Variants in CTNND2 observed in about 807,000 individuals in gnomAD.
CTNND2 encodes the protein catenin delta 2, also known as catenin delta-2.
Under a neutral mutation model 144.4 loss-of-function variants are expected in CTNND2, and 22 were observed. The observed-to-expected ratio is 0.15, with a 90% CI of 0.11 to 0.22. CTNND2 has a LOEUF of 0.22. CTNND2 is among the 10% of genes least tolerant of loss of function. The pLI, the probability that CTNND2 is intolerant of heterozygous loss-of-function variation, is 1.00. For synonymous variants in CTNND2, 751 were observed against 695.6 expected (o/e 1.08, Z -1.25); for missense variants, 1,353 against 1,618.8 (o/e 0.84, Z 2.82).
chr5:11,611,075 G>A (rs11949813), intron 2 of CTNND2, among the ~76,000 whole-genome samples: 53,339 of 151,946 alleles, frequency 0.35, 10,593 homozygotes, highest in Middle Eastern at 0.61. Flanking sequence ...TTAATCATGC[G>A]GACAGTTACC....
At chr5:11,824,195 G>T (rs1255905675) in intron 1 of CTNND2, among the ~76,000 whole-genome samples, 1 of 151,640 alleles carries the variant, frequency 6.6e-6, no homozygotes, top group Non-Finnish European at 1.5e-5. Context: ...ATGTCCCTCA[G>T]TATCCATCCA....
chr5:11,800,485 A>T (rs1791618162), intron 1 of CTNND2, among the ~76,000 whole-genome samples: 1 of 152,214 alleles, frequency 6.6e-6, no homozygotes, highest in Non-Finnish European at 1.5e-5. Flanking sequence ...TAGCAGAATT[A>T]ATAAACAGAA....
chr5:11,321,735 T>C (rs1012214743), intron 9 of CTNND2, among the ~76,000 whole-genome samples: 4 of 151,992 alleles, frequency 2.6e-5, no homozygotes, highest in Non-Finnish European at 5.9e-5. Flanking sequence ...CACACATGCA[T>C]GCACACACAT....
chr5:11,828,936 G>A (rs1000170917), intron 1 of CTNND2, among the ~76,000 whole-genome samples: 2 of 152,146 alleles, frequency 1.3e-5, no homozygotes, highest in African/African-American at 4.8e-5. Context: ...TAAAGTCCAG[G>A]CAGAGGTGGT....
At chr5:11,105,305 G>A (rs552079629) in intron 14 of CTNND2, among the ~76,000 whole-genome samples, 31 of 152,294 alleles carry the variant, frequency 2.0e-4, no homozygotes, top group Non-Finnish European at 3.7e-4. Context: ...TATGTCCTTC[G>A]AAGGACAATC....
chr5:11,406,399 C>G (rs1761108923), intron 5 of CTNND2, among the ~76,000 whole-genome samples: 1 of 152,044 alleles, frequency 6.6e-6, no homozygotes, highest in Non-Finnish European at 1.5e-5. Flanking sequence ...CTGACCATGA[C>G]TTTTATTTTT....
intron 2 of CTNND2, among the ~76,000 whole-genome samples, chr5:11,606,870 C>T (rs994320510): frequency 2.6e-5 from 4 of 151,984 alleles, no homozygotes; most frequent in African/African-American, 9.7e-5. Context: ...AATTGTATTC[C>T]CTCCAGAACA....
At chr5:11,880,944 TACTACTACTACTACC>T (rs1266250414) in intron 1 of CTNND2, among the ~76,000 whole-genome samples, 8 of 144,428 alleles carry the variant, frequency 5.5e-5, no homozygotes, top group Admixed American at 2.7e-4. Context: ...CTGCTACTAA[TACTACTACTACTACC>T]ACTACTACTA....
intron 14 of CTNND2, among the ~76,000 whole-genome samples, chr5:11,104,753 GTTGATGGCTAA>G (rs1286711538): frequency 6.6e-6 from 1 of 152,204 alleles, no homozygotes; most frequent in Non-Finnish European, 1.5e-5. Flanking sequence ...AGGGGATAGA[GTTGATGGCTAA>G]TTAGCTGTAT....
At chr5:10,982,320 G>A (rs775145907) in intron 20 of CTNND2, among the ~76,000 whole-genome samples, 12 of 152,340 alleles carry the variant, frequency 7.9e-5, no homozygotes, top group Admixed American at 3.9e-4. Flanking sequence ...CCCAAAGGAC[G>A]GGCAGGGGGC....
At chr5:11,269,673 A>G (rs1207496729) in intron 9 of CTNND2, among the ~76,000 whole-genome samples, 1 of 152,194 alleles carries the variant, frequency 6.6e-6, no homozygotes, top group East Asian at 1.9e-4. Flanking sequence ...GGTTGGCATA[A>G]ATGTCAATAT....
chr5:11,903,875 T>A lies in CTNND2; in HGVS notation c.-22A>T, dbSNP rs1393788448. ...ACATGCACCCTCCGCCGGCGACAGCTCCTCAGTCCGGGAAGAGGCGTGCGC... is the reference window on the plus strand; with the variant it reads ...ACATGCACCCTCCGCCGGCGACAGCACCTCAGTCCGGGAAGAGGCGTGCGC... On this transcript the variant is annotated 5_prime_UTR_variant, in exon 1 of 22. Coordinates refer to ENST00000304623, the MANE Select transcript of CTNND2 (RefSeq NM_001332.4). This position sits in a 1 kb window ranked among gnomAD's most constrained non-coding sequence, Gnocchi z 5.4. The A allele has an allele frequency of 2.1e-6, 3 of 1,462,460 alleles. No homozygotes were observed. The Admixed American group carries it at 7.4e-5, about 36-fold the overall frequency. The allele number at this position is 1,462,460 out of a possible 1,614,324, so 90.6% of individuals were successfully genotyped here.
At chr5:11,819,611 T>C (rs1793204784) in intron 1 of CTNND2, among the ~76,000 whole-genome samples, 3 of 152,164 alleles carry the variant, frequency 2.0e-5, no homozygotes, top group Admixed American at 2.0e-4. Context: ...GTCACTATTT[T>C]CCTCTCCTTT....
intron 2 of CTNND2, among the ~76,000 whole-genome samples, chr5:11,595,897 C>T (rs954609770): frequency 4.6e-5 from 7 of 152,202 alleles, no homozygotes; most frequent in Non-Finnish European, 8.8e-5. Context: ...GGAATCAGCA[C>T]CACTGCCTCC....
intron 7 of CTNND2, among the ~76,000 whole-genome samples, chr5:11,374,323 G>C (rs1257087682): frequency 6.6e-6 from 1 of 152,170 alleles, no homozygotes; most frequent in Non-Finnish European, 1.5e-5. Context: ...TGTAACAAAA[G>C]TCTTTTGACA....
At chr5:11,476,278 AC>A (rs1159207701) in intron 3 of CTNND2, among the ~76,000 whole-genome samples, 7 of 152,098 alleles carry the variant, frequency 4.6e-5, no homozygotes, top group African/African-American at 1.7e-4. Flanking sequence ...TTCCCACTGT[AC>A]CATTCTGTGT....
chr5:11,270,548 G>C (rs1050157505), intron 9 of CTNND2, among the ~76,000 whole-genome samples: 1 of 151,614 alleles, frequency 6.6e-6, no homozygotes, highest in Non-Finnish European at 1.5e-5. Flanking sequence ...TCAGATTTCT[G>C]TCTGAATTAA....
At chr5:11,196,073 A>T (rs1736830436) in intron 11 of CTNND2, among the ~76,000 whole-genome samples, 1 of 152,246 alleles carries the variant, frequency 6.6e-6, no homozygotes, top group African/African-American at 2.4e-5. Flanking sequence ...GCATGTAAAT[A>T]TCTCAATTTT....
chr5:11,098,720 C>A lies in CTNND2; in HGVS notation c.2492G>T (p.Cys831Phe), dbSNP rs1191422921. The A allele has an allele frequency of 6.2e-7, 1 of 1,614,188 alleles. No individual in the cohort carries two copies. Among genetic ancestry groups the A allele is most frequent in the African/African-American group, 1.3e-5 (1 of 75,060 alleles). The change falls in exon 15 of 22, where the codon TGT becomes TTT. Residue 831 changes from cysteine (C) to phenylalanine (F), a missense_variant. Transcript: ENST00000304623. ...CTGGATCCCTTTTGGTGGTTCAGCA[C>A]AGTCTGGAAGAGGTCCTACTCCATC... is the stretch of plus-strand genomic sequence containing the variant. ...QWDGVGPLPD[C>F]AEPPKGIQML...
Sources: gnomAD v4.1 joint callset for allele counts (sites outside exome capture counted in the v4.1 genomes callset) on GRCh38, gnomAD v4.1.1 for gene constraint, Gnocchi (gnomAD v3.1) non-coding constraint, MANE v1.5 for transcripts, NCBI Gene and HGNC (gene_info 2026-07-23, HGNC 2026-07-21) for gene names.